The following TRNAU1AP variants were observed in gnomAD, a reference collection of about 807,000 sequenced individuals.
The protein encoded by TRNAU1AP is tRNA selenocysteine 1 associated protein 1, also known as tRNA selenocysteine 1-associated protein 1.
TRNAU1AP carries 33 observed loss-of-function variants against 43.3 expected under a neutral mutation model. The ratio of observed to expected loss-of-function variants is 0.76; its 90% CI spans 0.58 to 1.02. The LOEUF (loss-of-function observed/expected upper bound fraction) is 1.02. Among genes scored for constraint, TRNAU1AP ranks in the 50% least tolerant of loss-of-function variants. The pLI is 0.00. For missense variants in TRNAU1AP, 290 were observed against 362.7 expected (o/e 0.80, Z 1.63); for synonymous variants, 143 against 129.1 (o/e 1.11, Z -0.73).
chr1:28,559,351 G>A (rs1010150358), intron 2 of TRNAU1AP, among the ~76,000 whole-genome samples: 3 of 152,106 alleles, frequency 2.0e-5, no homozygotes, highest in African/African-American at 7.2e-5. Context: ...TTCTGAGGCT[G>A]GGTGCGGTAG....
Position 28,553,107 on chromosome 1 carries a change from G to T in TRNAU1AP, c.-4G>T, listed in dbSNP as rs748452110. On this transcript the variant is annotated 5_prime_UTR_variant, in exon 1 of 9. Coordinates refer to ENST00000373830, the MANE Select transcript of TRNAU1AP (RefSeq NM_017846.5). ...CCCGCAAAGCCCCACCCCGGTGCGC[G>T]GGTATGGCGGCCAGCCTGTGGATGG... 6.6e-7 allele frequency: 1 copy of T among 1,520,600 alleles called. No individual in the cohort carries two copies. The highest frequency in any genetic ancestry group is 1.2e-5 in the South Asian group (1 of 81,916). The allele number at this position is 1,520,600 out of a possible 1,614,324, so 94.2% of individuals were successfully genotyped here. A position where few individuals can be genotyped will look rare whatever the true frequency, so the allele number is the denominator to read the frequency against.
chr1:28,568,037 GCCTGTAGT>G (rs1371052971), intron 6 of TRNAU1AP, among the ~76,000 whole-genome samples: 2 of 152,142 alleles, frequency 1.3e-5, no homozygotes, highest in African/African-American at 4.8e-5. Flanking sequence ...GGTGGTGCAT[GCCTGTAGT>G]CCCAACAACT....
chr1:28,560,604 T>C (rs767039581), intron 2 of TRNAU1AP, 29 bp from the exon 3 acceptor site: 1 of 1,580,836 alleles, frequency 6.3e-7, no homozygotes, highest in Non-Finnish European at 8.7e-7. Flanking sequence ...TCTTTAACCA[T>C]TTTCTTTCTC....
intron 2 of TRNAU1AP, among the ~76,000 whole-genome samples, chr1:28,558,215 A>ATTTTTTTTTTTTT (rs1187371829): frequency 9.0e-6 from 1 of 110,584 alleles, no homozygotes. Context: ...TAATTTTTGT[A>ATTTTTTTTTTTTT]TTTTTTTTTT....
At chr1:28,572,058 G>A (rs1358390241) in intron 8 of TRNAU1AP, among the ~76,000 whole-genome samples, 158 bp downstream of exon 8, 1 of 152,184 alleles carries the variant, frequency 6.6e-6, no homozygotes, top group African/African-American at 2.4e-5. Context: ...ATGGTAAGAT[G>A]TGTCGGGTGT....
chr1:28,569,562 G>A (rs1314041809), intron 6 of TRNAU1AP, among the ~76,000 whole-genome samples: 1 of 150,360 alleles, frequency 6.7e-6, no homozygotes, highest in Admixed American at 6.7e-5. Context: ...GTGGTGGCGG[G>A]CACCTGTAAT....
intron 6 of TRNAU1AP, among the ~76,000 whole-genome samples, chr1:28,570,524 A>G (rs1195883980): frequency 6.7e-6 from 1 of 150,160 alleles, no homozygotes; most frequent in Non-Finnish European, 1.5e-5. Context: ...TTGGGATTAC[A>G]GGTGTGAGCC....
intron 2 of TRNAU1AP, among the ~76,000 whole-genome samples, chr1:28,554,908 G>A (rs1245765087): frequency 1.3e-5 from 2 of 151,300 alleles, no homozygotes; most frequent in African/African-American, 4.9e-5. Context: ...TATCCTGAAA[G>A]CTCATGAGGG....
In TRNAU1AP at chr1:28,553,089, A is replaced by T. The variant is rs780653136; in HGVS notation, c.-22A>T. ...CCCGCCCGCAGAGCCCCGCCCGCAA[A>T]GCCCCACCCCGGTGCGCGGGTATGG... is the stretch of plus-strand genomic sequence containing the variant. On this transcript the variant is annotated 5_prime_UTR_variant, in exon 1 of 9. In the 5' UTR this introduces an upstream ATG that the reference lacks. Transcript: ENST00000373830. The T allele has an allele frequency of 7.2e-6, 11 of 1,523,446 alleles. No individual in the cohort carries two copies. In the East Asian group the frequency reaches 2.1e-4, roughly 29 times the overall value. 94.4% of individuals were successfully genotyped at this position (1,523,446 alleles called of 1,614,324 possible). A position where few individuals can be genotyped will look rare whatever the true frequency, so the allele number is the denominator to read the frequency against.
chr1:28,576,004 G>GTGCCTGCCACCA, intron 8 of TRNAU1AP, among the ~76,000 whole-genome samples: 1 of 145,730 alleles, frequency 6.9e-6, no homozygotes, highest in Non-Finnish European at 1.5e-5. Flanking sequence ...GGGACTACAG[G>GTGCCTGCCACCA]CGTGCACTGC....
At chr1:28,557,968 T>A (rs1269683993) in intron 2 of TRNAU1AP, among the ~76,000 whole-genome samples, 1 of 150,752 alleles carries the variant, frequency 6.6e-6, no homozygotes. Context: ...TGATCTCGAC[T>A]CACTGCAACC....
At position 28,577,350 on chromosome 1, in the gene TRNAU1AP, G is replaced by A. The variant is rs1039945187; in HGVS notation, c.728-150G>A. The A allele has an allele frequency of 6.3e-6, 5 of 789,462 alleles. No individual in the cohort carries two copies. The Admixed American group carries it at 1.3e-4, about 20-fold the overall frequency. 48.9% of individuals were successfully genotyped at this position (789,462 alleles called of 1,614,324 possible). On this transcript the variant is annotated intron_variant, in intron 8 of 8. Transcript: ENST00000373830. The stretch of plus-strand genomic sequence containing the variant: ...CATTATTCTATTTTCATCTTCCCCA[G>A]AACCCTGCAAGGCAGTGCTTTCACT...
intron 1 of TRNAU1AP, 170 bp from the exon 2 acceptor site, chr1:28,553,470 A>G (rs568308241): frequency 3.0e-6 from 2 of 661,886 alleles, no homozygotes; most frequent in Non-Finnish European, 5.2e-6. Context: ...AAAGCGGGGC[A>G]AGCTTGAACC....
chr1:28,576,907 A>G (rs983330507), intron 8 of TRNAU1AP, among the ~76,000 whole-genome samples: 1 of 152,132 alleles, frequency 6.6e-6, no homozygotes, highest in Non-Finnish European at 1.5e-5. Flanking sequence ...AAAATTTTTA[A>G]TAGTATTTTA....
At chr1:28,553,537 C>T in intron 1 of TRNAU1AP, 103 bp from the exon 2 acceptor site, 1 of 1,115,462 alleles carries the variant, frequency 9.0e-7, no homozygotes. Context: ...CTCGCTCCCC[C>T]AGCGGCGCGT....
chr1:28,576,654 C>T (rs1665789648), intron 8 of TRNAU1AP, among the ~76,000 whole-genome samples: 1 of 151,962 alleles, frequency 6.6e-6, no homozygotes, highest in Admixed American at 6.6e-5. Flanking sequence ...GGCTGGAATG[C>T]AGTGGTGCCA....
At chr1:28,557,922 C>T (rs938894144) in intron 2 of TRNAU1AP, among the ~76,000 whole-genome samples, 3 of 117,708 alleles carry the variant, frequency 2.5e-5, no homozygotes, top group South Asian at 4.7e-4. Flanking sequence ...TGGTTTGAGG[C>T]AGAGTCTCTG....
At chr1:28,573,743 A>G (rs1440665630) in intron 8 of TRNAU1AP, among the ~76,000 whole-genome samples, 2 of 151,724 alleles carry the variant, frequency 1.3e-5, no homozygotes, top group African/African-American at 4.8e-5. Flanking sequence ...ACTGTACTCC[A>G]GCCTGGGCAA....
rs368275682 is a variant in TRNAU1AP at position 28,577,617 on chromosome 1, A to G, written c.845A>G (p.Glu282Gly). Residue 282 changes from glutamate to glycine, a missense_variant, in exon 9 of 9, where the codon GAG becomes GGG. Glu to Gly is a moderately conservative substitution (Grantham distance 98). This residue lies in a region of TRNAU1AP where 57 missense variants were observed against 55.1 expected (regional missense o/e 1.03). Transcript: ENST00000373830. The stretch of plus-strand genomic sequence containing the variant: ...CAGCCCCTGGACACAGTGTCTTCAG[A>G]GATCCCTGCCATGATGTAGCCAGGC... ...HWQPLDTVSS[E>G]IPAMM 3 of 1,613,998 alleles carry G rather than the reference A, an allele frequency of 1.9e-6. No homozygotes were observed. The highest frequency in any genetic ancestry group is 2.5e-6 in the Non-Finnish European group (3 of 1,180,014).
Sources: gnomAD v4.1 joint callset for allele counts (sites outside exome capture counted in the v4.1 genomes callset) on GRCh38, gnomAD v4.1.1 for gene constraint, gnomAD v4.1.1 regional missense constraint, MANE v1.5 for transcripts, NCBI Gene and HGNC (gene_info 2026-07-23, HGNC 2026-07-21) for gene names.